The following CSGALNACT2 variants were observed in gnomAD, a reference collection of about 807,000 sequenced individuals.
The protein encoded by CSGALNACT2 is chondroitin sulfate N-acetylgalactosaminyltransferase 2.
In CSGALNACT2, 35 loss-of-function variants were observed where a neutral mutation model predicts 55.3. The ratio of observed to expected loss-of-function variants is 0.63; its 90% CI spans 0.48 to 0.84. The LOEUF (loss-of-function observed/expected upper bound fraction) is 0.84, where lower values mean the gene tolerates loss of function less well. CSGALNACT2 is among the 40% of genes least tolerant of loss of function. The pLI, the probability that CSGALNACT2 is intolerant of heterozygous loss-of-function variation, is 0.00. For missense variants in CSGALNACT2, 544 were observed against 657.5 expected (o/e 0.83, Z 1.89); for synonymous variants, 196 against 224.9 (o/e 0.87, Z 1.15).
chr10:43,148,350 G>A (rs1001600396), intron 1 of CSGALNACT2, among the ~76,000 whole-genome samples: 1 of 151,906 alleles, frequency 6.6e-6, no homozygotes, highest in Admixed American at 6.6e-5. Context: ...CATTTTTCTT[G>A]TTCAATATTA....
chr10:43,158,799 C>T lies in CSGALNACT2; in HGVS notation c.746C>T (p.Thr249Ile). ...KADLTEYRHV[T>I]LFRPFGPLMK... ...GACCTTACGGAATATAGACATGTGA[C>T]CCTCTTCCGCCCTTTTGGACCTCTC... Residue 249 changes from threonine to isoleucine, a missense_variant, in exon 3 of 8, where the codon ACC (threonine) becomes ATC (isoleucine). Transcript: ENST00000374466. 3.1e-6 allele frequency: 5 copies of T among 1,611,370 alleles called. No homozygotes were observed. Among genetic ancestry groups the T allele is most frequent in the Non-Finnish European group, 4.2e-6 (5 of 1,177,706 alleles).
intron 5 of CSGALNACT2, among the ~76,000 whole-genome samples, chr10:43,166,302 G>T (rs1839262699): frequency 6.6e-6 from 1 of 152,194 alleles, no homozygotes; most frequent in Non-Finnish European, 1.5e-5. Flanking sequence ...GTAATAAAAA[G>T]GTTGCCATGT....
At chr10:43,161,935 A>G (rs1018670585) in intron 4 of CSGALNACT2, among the ~76,000 whole-genome samples, 1 of 152,128 alleles carries the variant, frequency 6.6e-6, no homozygotes, top group African/African-American at 2.4e-5. Context: ...CCACAAGCTC[A>G]CACTGGTAAT....
At chr10:43,161,507 T>C (rs953172176) in intron 4 of CSGALNACT2, among the ~76,000 whole-genome samples, 13 of 152,212 alleles carry the variant, frequency 8.5e-5, no homozygotes, top group African/African-American at 2.9e-4. Flanking sequence ...CTCACATTCA[T>C]TGAGTCCTGC....
At chr10:43,171,324 G>A (rs1839377960) in intron 6 of CSGALNACT2, among the ~76,000 whole-genome samples, 1 of 151,410 alleles carries the variant, frequency 6.6e-6, no homozygotes, top group Non-Finnish European at 1.5e-5. Context: ...ACATAGAAGC[G>A]TGAAGGGAAT....
chr10:43,163,429 C>A (rs1839194199), intron 4 of CSGALNACT2: 2 of 790,924 alleles, frequency 2.5e-6, no homozygotes, highest in Admixed American at 6.2e-5. Context: ...GAGGTGGCAG[C>A]TGCTTCTCAA....
At chr10:43,163,523 G>GT in intron 4 of CSGALNACT2, 1 of 985,394 alleles carries the variant, frequency 1.0e-6, no homozygotes, top group Non-Finnish European at 1.2e-6. Flanking sequence ...CTTTGTGTGT[G>GT]TTATCCATTT....
At chr10:43,143,299 A>T (rs1838671247) in intron 1 of CSGALNACT2, among the ~76,000 whole-genome samples, 1 of 152,250 alleles carries the variant, frequency 6.6e-6, no homozygotes, top group African/African-American at 2.4e-5. Context: ...CAGTTAATTT[A>T]ACCTTTCCTC....
chr10:43,152,619 G>T (rs1301192907), intron 1 of CSGALNACT2, among the ~76,000 whole-genome samples: 1 of 152,068 alleles, frequency 6.6e-6, no homozygotes, highest in African/African-American at 2.4e-5. Context: ...GTGACCTATT[G>T]TCTGAGTTAT....
Position 43,155,125 on chromosome 10 carries a change from G to A in CSGALNACT2, c.-25G>A, listed in dbSNP as rs41298779. On this transcript the variant is annotated 5_prime_UTR_variant, in exon 2 of 8. Coordinates refer to ENST00000374466, the MANE Select transcript of CSGALNACT2 (RefSeq NM_018590.5). ...TATGAACACACAAAGAGCTTATTTTGTTAGGCAAATACACATTAATAAGAA... is the reference window on the plus strand; with the variant it reads ...TATGAACACACAAAGAGCTTATTTTATTAGGCAAATACACATTAATAAGAA... 1,316 of 1,566,748 alleles carry A rather than the reference G, an allele frequency of 8.4e-4. 6 individuals are homozygous for A. Among genetic ancestry groups the A allele is most frequent in the South Asian group, 6.6e-3 (571 of 86,942 alleles).
At chr10:43,140,375 TA>T (rs1388454073) in intron 1 of CSGALNACT2, among the ~76,000 whole-genome samples, 2 of 152,362 alleles carry the variant, frequency 1.3e-5, no homozygotes, top group East Asian at 3.9e-4. Context: ...ATCTTTTTTT[TA>T]ATGTAATAGA....
intron 5 of CSGALNACT2, among the ~76,000 whole-genome samples, chr10:43,166,237 C>G (rs1253821025): frequency 6.6e-6 from 1 of 152,180 alleles, no homozygotes; most frequent in Non-Finnish European, 1.5e-5. Flanking sequence ...AAATTGAACT[C>G]CCCATCCCTA....
chr10:43,159,916 T>A (rs1174069589), intron 3 of CSGALNACT2, among the ~76,000 whole-genome samples: 1 of 152,250 alleles, frequency 6.6e-6, no homozygotes, highest in African/African-American at 2.4e-5. Flanking sequence ...TTTAAAAGGT[T>A]AATTAAAACT....
chr10:43,148,632 T>C (rs1043360785), intron 1 of CSGALNACT2, among the ~76,000 whole-genome samples: 2 of 152,236 alleles, frequency 1.3e-5, no homozygotes, highest in Non-Finnish European at 2.9e-5. Context: ...ATTTTATTCT[T>C]TTTGATGCCA....
chr10:43,155,804 G>A lies in CSGALNACT2; in HGVS notation c.655G>A (p.Val219Ile), dbSNP rs144196824. 53 of 1,605,432 alleles carry A rather than the reference G, an allele frequency of 3.3e-5. No homozygotes were observed. In the Admixed American group the frequency reaches 5.3e-4, roughly 16 times the overall value. The change falls in exon 2 of 8, where the codon GTA becomes ATA. Residue 219 changes from valine to isoleucine, a missense_variant. Val to Ile is a conservative substitution (Grantham distance 29, BLOSUM62 3). Transcript: ENST00000374466. ...EKLIFNENDFVEGYYRTERDK... is the reference protein window; with the variant it reads ...EKLIFNENDFIEGYYRTERDK... ...ACTGATATTTAATGAAAATGACTTCGTAGAAGGTAATGTGAAAAATATGTT... is the reference window on the plus strand; with the variant it reads ...ACTGATATTTAATGAAAATGACTTCATAGAAGGTAATGTGAAAAATATGTT...
chr10:43,176,847 G>A (rs1229000048), intron 7 of CSGALNACT2, among the ~76,000 whole-genome samples: 1 of 152,162 alleles, frequency 6.6e-6, no homozygotes, highest in African/African-American at 2.4e-5. Flanking sequence ...GATTGCAGGC[G>A]TGAGCCACCA....
intron 2 of CSGALNACT2, 117 bp from the exon 3 acceptor site, chr10:43,158,598 A>G (rs1204799069): frequency 3.2e-6 from 2 of 623,334 alleles, no homozygotes; most frequent in East Asian, 5.4e-5. Flanking sequence ...ACAAATAGGT[A>G]AAAATCCTGC....
intron 1 of CSGALNACT2, among the ~76,000 whole-genome samples, chr10:43,151,253 T>C (rs1456041869): frequency 6.6e-6 from 1 of 152,204 alleles, no homozygotes; most frequent in African/African-American, 2.4e-5. Flanking sequence ...ATGCCAGATA[T>C]TGTGAATTTT....
Position 43,155,545 on chromosome 10 carries a change from A to G in CSGALNACT2, c.396A>G (p.Glu132=), listed in dbSNP as rs1445629570. The change falls in exon 2 of 8, where the codon GAA becomes GAG. Residue 132 remains glutamate (E), a synonymous_variant. Coordinates refer to ENST00000374466, the MANE Select transcript of CSGALNACT2 (RefSeq NM_018590.5). The stretch of plus-strand genomic sequence containing the variant: ...TTCATTCCCAAATTGACAAAGCTGA[A>G]GTTAGCATAGGGGCCAAACTACCCA... ...EFLHSQIDKA[E]VSIGAKLPSE... is the part of the protein sequence containing the mutation. 6.2e-7 allele frequency: 1 copy of G among 1,614,248 alleles called. No homozygotes were observed. Among genetic ancestry groups the G allele is most frequent in the South Asian group, 1.1e-5 (1 of 91,088 alleles).
Sources: allele counts gnomAD v4.1 joint callset (sites outside exome capture counted in the v4.1 genomes callset), GRCh38; gene constraint gnomAD v4.1.1; transcripts MANE v1.5; gene names NCBI Gene and HGNC (gene_info 2026-07-23, HGNC 2026-07-21).